The following SLC35F4 variants were observed in gnomAD, a reference collection of about 807,000 sequenced individuals.
The protein encoded by SLC35F4 is solute carrier family 35 member F4, also known as chromosome 14 open reading frame 36.
Under a neutral mutation model 44.2 loss-of-function variants are expected in SLC35F4, and 24 were observed. The ratio of observed to expected loss-of-function variants is 0.54; its 90% CI spans 0.39 to 0.76. The LOEUF (loss-of-function observed/expected upper bound fraction) is 0.76, where lower values mean the gene tolerates loss of function less well. Ranked by LOEUF, SLC35F4 falls within the 30% of genes least tolerant of loss-of-function variation. SLC35F4 has a pLI of 0.00. For missense variants in SLC35F4, 562 were observed against 586.1 expected (o/e 0.96, Z 0.42); for synonymous variants, 238 against 223.6 (o/e 1.06, Z -0.57).
At chr14:57,925,714 A>G (rs1298204802) in intron 1 of SLC35F4, among the ~76,000 whole-genome samples, 1 of 151,850 alleles carries the variant, frequency 6.6e-6, no homozygotes, top group African/African-American at 2.4e-5. Context: ...GTGTCATACT[A>G]CAAGTGTATA....
At chr14:57,726,094 T>C (rs1040830556) in intron 1 of SLC35F4, among the ~76,000 whole-genome samples, 15 of 152,238 alleles carry the variant, frequency 9.9e-5, no homozygotes, top group East Asian at 5.8e-4. Context: ...GCTGGGGTGA[T>C]TGACCCAGAC....
chr14:57,921,103 G>A (rs1174421895), intron 1 of SLC35F4, among the ~76,000 whole-genome samples: 17 of 152,222 alleles, frequency 1.1e-4, no homozygotes, highest in Admixed American at 8.5e-4. Flanking sequence ...TTTATTTCAG[G>A]AGATTGTTCA....
chr14:57,595,146 C>A (rs191490302), intron 1 of SLC35F4, among the ~76,000 whole-genome samples: 1 of 152,324 alleles, frequency 6.6e-6, no homozygotes, highest in African/African-American at 2.4e-5. Flanking sequence ...CCTTTATCCA[C>A]CTATGGTCTG....
At chr14:57,920,823 A>C (rs974627726) in intron 1 of SLC35F4, among the ~76,000 whole-genome samples, 1 of 152,202 alleles carries the variant, frequency 6.6e-6, no homozygotes. Flanking sequence ...TATTTGGAGG[A>C]TCCCTTCCAC....
chr14:57,593,903 G>C, intron 2 of SLC35F4, 36 bp downstream of exon 2: 1 of 1,604,460 alleles, frequency 6.2e-7, no homozygotes, highest in African/African-American at 1.3e-5. Context: ...AGCTTACTAG[G>C]ATGTACCGTT....
intron 1 of SLC35F4, among the ~76,000 whole-genome samples, chr14:57,902,211 G>C (rs992187315): frequency 6.6e-6 from 1 of 152,128 alleles, no homozygotes; most frequent in Non-Finnish European, 1.5e-5. Context: ...CAGTCCTTTT[G>C]AGAAAGCAAT....
At chr14:57,847,305 C>T (rs1886121089) in intron 1 of SLC35F4, among the ~76,000 whole-genome samples, 1 of 151,998 alleles carries the variant, frequency 6.6e-6, no homozygotes, top group Non-Finnish European at 1.5e-5. Context: ...GCAAGCTGTG[C>T]CTTGGGATTT....
intron 1 of SLC35F4, among the ~76,000 whole-genome samples, chr14:57,648,706 G>A (rs754028951): frequency 1.1e-4 from 16 of 152,138 alleles, no homozygotes; most frequent in Non-Finnish European, 1.9e-4. Context: ...TGTGTACAAA[G>A]CGTATTTGTT....
At chr14:57,980,219 A>G (rs1198254182) in intron 1 of SLC35F4, among the ~76,000 whole-genome samples, 1 of 152,126 alleles carries the variant, frequency 6.6e-6, no homozygotes, top group Non-Finnish European at 1.5e-5. Context: ...AAATATACCT[A>G]TCTTAGATGG....
intron 3 of SLC35F4, among the ~76,000 whole-genome samples, chr14:57,586,973 A>AAAAGTGGGCAAAGGAGAGGAACAG (rs61106122): frequency 6.8e-6 from 1 of 147,916 alleles, no homozygotes; most frequent in African/African-American, 2.5e-5. Context: ...AAAACCAACA[A>AAAAGTGGGCAAAGGAGAGGAACAG]ACACTTCTCA....
intron 3 of SLC35F4, among the ~76,000 whole-genome samples, chr14:57,583,836 A>C (rs1424687376): frequency 6.6e-6 from 1 of 152,172 alleles, no homozygotes; most frequent in Non-Finnish European, 1.5e-5. Context: ...CTGAAAAAAA[A>C]ATATGGATTT....
intron 1 of SLC35F4, among the ~76,000 whole-genome samples, chr14:57,603,151 A>T (rs1467475573): frequency 6.6e-6 from 1 of 152,206 alleles, no homozygotes; most frequent in African/African-American, 2.4e-5. Flanking sequence ...AACATTTTTA[A>T]ATCTATTTTG....
intron 1 of SLC35F4, among the ~76,000 whole-genome samples, chr14:57,764,058 G>A (rs897891255): frequency 6.6e-6 from 1 of 152,128 alleles, no homozygotes; most frequent in African/African-American, 2.4e-5. Context: ...AGACGCCCAA[G>A]ACACAATTTC....
intron 1 of SLC35F4, among the ~76,000 whole-genome samples, chr14:57,618,450 C>T (rs2071982138): frequency 6.6e-6 from 1 of 152,126 alleles, no homozygotes; most frequent in African/African-American, 2.4e-5. Flanking sequence ...GGAGTTCCCT[C>T]CCCTACCCAA....
intron 3 of SLC35F4, among the ~76,000 whole-genome samples, chr14:57,588,102 G>A (rs2069898062): frequency 6.6e-6 from 1 of 152,152 alleles, no homozygotes; most frequent in Admixed American, 6.5e-5. Flanking sequence ...AAGAGGCGAA[G>A]GTTGTAGTGA....
intron 3 of SLC35F4, among the ~76,000 whole-genome samples, chr14:57,583,622 G>A (rs1476384725): frequency 6.6e-6 from 1 of 152,198 alleles, no homozygotes. Context: ...TGACTGACAG[G>A]TGGAGACTGT....
At chr14:57,967,191 G>A (rs2141092219) in intron 1 of SLC35F4, among the ~76,000 whole-genome samples, 1 of 152,002 alleles carries the variant, frequency 6.6e-6, no homozygotes, top group Non-Finnish European at 1.5e-5. Context: ...CCAATCATTA[G>A]GTAGCCTTCT....
intron 1 of SLC35F4, among the ~76,000 whole-genome samples, chr14:57,773,657 A>C (rs1435372470): frequency 1.3e-5 from 1 of 78,280 alleles, no homozygotes; most frequent in Non-Finnish European, 2.4e-5. Context: ...AAAATAGACA[A>C]AAAAAAAAGG....
chr14:57,587,916 T>C (rs1435851477), intron 3 of SLC35F4, among the ~76,000 whole-genome samples: 1 of 148,468 alleles, frequency 6.7e-6, no homozygotes, highest in Non-Finnish European at 1.5e-5. Context: ...CCAGGCACGC[T>C]GGCTCACGCC....
Sources: gnomAD v4.1 joint callset for allele counts (sites outside exome capture counted in the v4.1 genomes callset) on GRCh38, gnomAD v4.1.1 for gene constraint, MANE v1.5 for transcripts, NCBI Gene and HGNC (gene_info 2026-07-23, HGNC 2026-07-21) for gene names.